Variants in AFG1L observed in about 807,000 individuals in gnomAD.
AFG1L encodes AFG1-like ATPase.
A neutral mutation model predicts 62.2 loss-of-function variants in AFG1L; 53 were observed. The observed-to-expected ratio is 0.85, with a 90% CI of 0.68 to 1.07. The LOEUF is 1.07. Ranked by LOEUF, AFG1L falls within the 50% of genes least tolerant of loss-of-function variation. The pLI is 0.00. For synonymous variants in AFG1L, 228 were observed against 210.3 expected, an observed-to-expected ratio of 1.08 and a Z score of -0.73; for missense variants, 555 against 590.5, an observed-to-expected ratio of 0.94 and a Z score of 0.62.
At position 108,522,886 on chromosome 6, in the gene AFG1L, A is replaced by G. The variant is rs1775177859; in HGVS notation, c.*461A>G. ...AATCTGATATAAACTAAAAGGGATA[A>G]TATTTTAGAATATGGGCTTATATGT... On this transcript the variant is annotated 3_prime_UTR_variant, in exon 13 of 13. Coordinates refer to ENST00000368977, the MANE Select transcript of AFG1L (RefSeq NM_145315.5). The G allele has an allele frequency of 6.6e-6, 1 of 152,234 alleles. No individual in the cohort carries two copies. Among genetic ancestry groups the G allele is most frequent in the African/African-American group, 2.4e-5 (1 of 41,206 alleles). The allele number at this position is 152,234 out of a possible 1,614,324, so 9.4% of individuals were successfully genotyped here. A position where few individuals can be genotyped will look rare whatever the true frequency, so the allele number is the denominator to read the frequency against.
intron 10 of AFG1L, among the ~76,000 whole-genome samples, chr6:108,492,733 A>AT (rs11389705): frequency 0.38 from 57,316 of 149,992 alleles, 11,180 homozygotes; most frequent in Non-Finnish European, 0.45. Context: ...CCTTGCCAGT[A>AT]TTTTTTTTTT....
At chr6:108,377,564 A>G (rs1780301107) in intron 6 of AFG1L, among the ~76,000 whole-genome samples, 1 of 152,130 alleles carries the variant, frequency 6.6e-6, no homozygotes, top group African/African-American at 2.4e-5. Flanking sequence ...AATGCTGATA[A>G]TTGGCTCCCA....
rs1245377980 is a variant in AFG1L, at chr6:108,299,393, CAAT to C, written c.139+4178_139+4180del. On this transcript the variant is annotated intron_variant, in intron 1 of 12. Coordinates refer to ENST00000368977, the MANE Select transcript of AFG1L (RefSeq NM_145315.5). Reference sequence around the variant, plus strand: ...ATGACATAATAAGTAAAAAGTAAAACAATAAAAAAGCAATTGAGGTTTCTGAGT... The same window carrying C: ...ATGACATAATAAGTAAAAAGTAAAACAAAAAAGCAATTGAGGTTTCTGAGT... Among the ~76,000 whole-genome samples the C allele has an allele frequency of 4.0e-5, 6 of 151,548 alleles. No homozygotes were observed. In the East Asian group the frequency reaches 1.2e-3, roughly 29 times the overall value.
chr6:108,337,071 G>C (rs1321935635), intron 2 of AFG1L, among the ~76,000 whole-genome samples: 4 of 152,136 alleles, frequency 2.6e-5, no homozygotes, highest in Admixed American at 2.6e-4. Context: ...TATAGCCCAG[G>C]CTAGTCTCTA....
intron 10 of AFG1L, among the ~76,000 whole-genome samples, chr6:108,500,672 G>A (rs1774162477): frequency 6.6e-6 from 1 of 152,190 alleles, no homozygotes; most frequent in South Asian, 2.1e-4. Flanking sequence ...TAGATACCCA[G>A]TAGTGGGATT....
rs147073897 is a variant in AFG1L, at chr6:108,412,721, G to A, written c.807+10667G>A. On this transcript the variant is annotated intron_variant, in intron 7 of 12. Coordinates refer to ENST00000368977, the MANE Select transcript of AFG1L (RefSeq NM_145315.5). ...TTTACAGACAAACAACTGCTGACAG[G>A]TTTTGTCACCACCAGGCCTGCCCTA... Among the ~76,000 whole-genome samples the A allele has an allele frequency of 2.3e-3, 349 of 152,182 alleles. 9 individuals carry two copies. The East Asian group carries it at 0.06, about 26-fold the overall frequency.
intron 10 of AFG1L, among the ~76,000 whole-genome samples, chr6:108,495,199 C>T (rs1330838462): frequency 2.0e-5 from 3 of 152,152 alleles, no homozygotes; most frequent in East Asian, 3.8e-4. Flanking sequence ...TCCATTCAAG[C>T]ATTTTCTATT....
At chr6:108,451,085 A>G (rs1172215579) in intron 8 of AFG1L, among the ~76,000 whole-genome samples, 1 of 152,200 alleles carries the variant, frequency 6.6e-6, no homozygotes, top group Non-Finnish European at 1.5e-5. Context: ...ATGCAAGTCC[A>G]GACTACCCCC....
intron 8 of AFG1L, among the ~76,000 whole-genome samples, chr6:108,451,592 C>A (rs1306612666): frequency 2.0e-5 from 3 of 152,174 alleles, no homozygotes; most frequent in Non-Finnish European, 4.4e-5. Flanking sequence ...AAAACAGAGA[C>A]CTTGATTGCA....
chr6:108,525,924 G>A lies in AFG1L; in HGVS notation c.*3499G>A, dbSNP rs1222622977. The stretch of plus-strand genomic sequence containing the variant: ...GGGCGCCTGGGTCCCTGACATTTGG[G>A]TTCTTGATCAGTTACGGGAATCTGT... On this transcript the variant is annotated 3_prime_UTR_variant, in exon 13 of 13. Transcript: ENST00000368977. 1 of 152,158 alleles carries A rather than the reference G, an allele frequency of 6.6e-6. No individual in the cohort carries two copies. The highest frequency in any genetic ancestry group is 1.5e-5 in the Non-Finnish European group (1 of 68,028). The allele number at this position is 152,158 out of a possible 1,614,324, so 9.4% of individuals were successfully genotyped here. A position where few individuals can be genotyped will look rare whatever the true frequency, so the allele number is the denominator to read the frequency against.
chr6:108,382,290 G>A (rs759622924), intron 6 of AFG1L, among the ~76,000 whole-genome samples: 5 of 152,036 alleles, frequency 3.3e-5, no homozygotes, highest in Non-Finnish European at 2.9e-5. Flanking sequence ...GTGAGCCACC[G>A]CGCCTGGCTA....
intron 1 of AFG1L, among the ~76,000 whole-genome samples, chr6:108,305,314 G>A (rs1777161289): frequency 6.6e-6 from 1 of 152,184 alleles, no homozygotes; most frequent in African/African-American, 2.4e-5. Context: ...ATAACCAGGT[G>A]TGGTTTTTGT....
At chr6:108,392,732 A>G (rs1317246877) in intron 6 of AFG1L, among the ~76,000 whole-genome samples, 1 of 152,142 alleles carries the variant, frequency 6.6e-6, no homozygotes, top group Non-Finnish European at 1.5e-5. Context: ...CTGTAATACA[A>G]TAAGAATCTC....
chr6:108,312,783 G>C (rs1433762032), intron 1 of AFG1L, among the ~76,000 whole-genome samples: 1 of 150,852 alleles, frequency 6.6e-6, no homozygotes, highest in South Asian at 2.1e-4. Flanking sequence ...TTTTGGTTGT[G>C]AGGTAGAGTC....
chr6:108,504,237 C>T (rs1774310084), intron 10 of AFG1L, among the ~76,000 whole-genome samples: 1 of 152,248 alleles, frequency 6.6e-6, no homozygotes, highest in Non-Finnish European at 1.5e-5. Flanking sequence ...TGACTTTTGA[C>T]ATGCCTTCCC....
chr6:108,403,837 A>G (rs1055857378), intron 7 of AFG1L, among the ~76,000 whole-genome samples: 1 of 151,774 alleles, frequency 6.6e-6, no homozygotes, highest in East Asian at 1.9e-4. Flanking sequence ...TTTGGCCAGT[A>G]ATTAGTCATA....
At chr6:108,400,603 TTA>T (rs1256775087) in intron 6 of AFG1L, among the ~76,000 whole-genome samples, 2 of 134,816 alleles carry the variant, frequency 1.5e-5, no homozygotes, top group Non-Finnish European at 3.1e-5. Context: ...ATTTATATAT[TTA>T]TATATAATAA....
intron 1 of AFG1L, among the ~76,000 whole-genome samples, chr6:108,296,134 T>C (rs1027401331): frequency 6.6e-6 from 1 of 152,192 alleles, no homozygotes; most frequent in Non-Finnish European, 1.5e-5. Flanking sequence ...TTGACCCTTA[T>C]CATCAATGCA....
At chr6:108,301,080 AT>A (rs1776979088) in intron 1 of AFG1L, among the ~76,000 whole-genome samples, 1 of 152,224 alleles carries the variant, frequency 6.6e-6, no homozygotes, top group Admixed American at 6.5e-5. Context: ...TGTCATGCCT[AT>A]CCCTGAGACT....
Sources: gnomAD v4.1 joint callset for allele counts (sites outside exome capture counted in the v4.1 genomes callset) on GRCh38, gnomAD v4.1.1 for gene constraint, MANE v1.5 for transcripts, NCBI Gene and HGNC (gene_info 2026-07-23, HGNC 2026-07-21) for gene names.